The following CRLF2 variants were observed in gnomAD, a reference collection of about 807,000 sequenced individuals.
CRLF2 encodes the protein cytokine receptor-like factor 2.
A neutral mutation model predicts 38.7 loss-of-function variants in CRLF2; 41 were observed. The ratio of observed to expected loss-of-function variants is 1.06; its 90% CI spans 0.83 to 1.37. CRLF2 has a LOEUF of 1.37. Among genes scored for constraint, CRLF2 ranks in the 40% most tolerant of loss-of-function variants. The pLI, the probability that CRLF2 is intolerant of heterozygous loss-of-function variation, is 0.00. For missense variants in CRLF2, 377 were observed against 322.2 expected, an observed-to-expected ratio of 1.17 and a Z score of -1.30; for synonymous variants, 140 against 128.8, an observed-to-expected ratio of 1.09 and a Z score of -0.59.
intron 7 of CRLF2, among the ~76,000 whole-genome samples, chrX:1,192,765 T>TTTCTTTCTTTCCTTCCTTCC (rs1378137188): frequency 1.2e-4 from 14 of 116,008 alleles, no homozygotes; most frequent in Non-Finnish European, 1.4e-4. Flanking sequence ...TCTTTCTTTC[T>TTTCTTTCTTTCCTTCCTTCC]TTCCTTCCTT....
intron 6 of CRLF2, among the ~76,000 whole-genome samples, chrX:1,195,994 T>A (rs1215064004): frequency 1.9e-3 from 221 of 118,462 alleles, no homozygotes; most frequent in Admixed American, 2.9e-3. Context: ...TTTTATATAT[T>A]TATATATATA....
In CRLF2 at chrX:1,196,424, G is replaced by C. The variant is rs762357902; in HGVS notation, c.767+356C>G. ...GATGGTCTCGATCTCTTGACCTTAT[G>C]ATTCACCTGCCTTGGCATCACAAAA... On this transcript the variant is annotated intron_variant, in intron 6 of 7. Coordinates refer to ENST00000400841, the MANE Select transcript of CRLF2 (RefSeq NM_022148.4). Among the ~76,000 whole-genome samples, 9 of 152,078 alleles carry C rather than the reference G, an allele frequency of 5.9e-5. No individual in the cohort carries two copies. In the South Asian group the frequency reaches 1.7e-3, roughly 28 times the overall value.
At chrX:1,192,707 CTTTTCTTTCTTTCTTTCTTT>C (rs2086409010) in intron 7 of CRLF2, among the ~76,000 whole-genome samples, 2 of 90,608 alleles carry the variant, frequency 2.2e-5, no homozygotes, top group African/African-American at 8.1e-5. Flanking sequence ...CTTTTCTTTT[CTTTTCTTTCTTTCTTTCTTT>C]CTTTCTTTCT....
intron 1 of CRLF2, among the ~76,000 whole-genome samples, chrX:1,210,111 A>AG (rs1556425588): frequency 2.8e-5 from 3 of 107,872 alleles, no homozygotes; most frequent in Non-Finnish European, 5.5e-5. Flanking sequence ...ATCAAAAAAA[A>AG]AAAAGAAAAG....
In CRLF2 at chrX:1,197,617, C is replaced by T. The variant is rs754184083; in HGVS notation, c.647-717G>A. Among the ~76,000 whole-genome samples the T allele has an allele frequency of 5.3e-5, 8 of 151,678 alleles. No homozygotes were observed. In the East Asian group the frequency reaches 1.6e-3, roughly 30 times the overall value. ...GATCACAAGGTCAGGAGTTCGAGACCAGCCTGGCCAATATGGGGAAACGCC... is the reference window on the plus strand; with the variant it reads ...GATCACAAGGTCAGGAGTTCGAGACTAGCCTGGCCAATATGGGGAAACGCC... On this transcript the variant is annotated intron_variant, in intron 5 of 7. Coordinates refer to ENST00000400841, the MANE Select transcript of CRLF2 (RefSeq NM_022148.4).
chrX:1,204,729 G>T (rs1265649413), intron 3 of CRLF2, among the ~76,000 whole-genome samples: 1 of 150,988 alleles, frequency 6.6e-6, no homozygotes, highest in Non-Finnish European at 1.5e-5. Flanking sequence ...GTTTCACCAC[G>T]TTGGCAAGGC....
At chrX:1,197,498 C>T (rs1421004591) in intron 5 of CRLF2, among the ~76,000 whole-genome samples, 5 of 151,922 alleles carry the variant, frequency 3.3e-5, no homozygotes, top group Admixed American at 2.0e-4. Flanking sequence ...GGTGGCTGTG[C>T]TCCTTAAATC....
chrX:1,205,441 A>C (rs1192109805), intron 3 of CRLF2, among the ~76,000 whole-genome samples: 1 of 151,948 alleles, frequency 6.6e-6, no homozygotes, highest in Non-Finnish European at 1.5e-5. Context: ...TACTTATGAT[A>C]ATCAGCTGAA....
chrX:1,193,345 CG>C lies in CRLF2; in HGVS notation c.768-44del, dbSNP rs1392573468. ...AGCGTGGTCAGGTCGGCCACAGCCC[CG>C]CAGGAAGGGTTGGCAAGAAGCACCT... is the stretch of plus-strand genomic sequence containing the variant. On this transcript the variant is annotated intron_variant, in intron 6 of 7. Transcript: ENST00000400841. The C allele has an allele frequency of 6.5e-5, 26 of 398,532 alleles. No homozygotes were observed. In the South Asian group the frequency reaches 1.8e-3, roughly 27 times the overall value. 24.7% of individuals were successfully genotyped at this position (398,532 alleles called of 1,614,324 possible). A position where few individuals can be genotyped will look rare whatever the true frequency, so the allele number is the denominator to read the frequency against.
chrX:1,203,517 G>C (rs1189776212), intron 3 of CRLF2, among the ~76,000 whole-genome samples: 1 of 151,900 alleles, frequency 6.6e-6, no homozygotes, highest in Non-Finnish European at 1.5e-5. Context: ...CTTGAGGTGA[G>C]ATCATCCTGG....
chrX:1,190,759 G>A lies in CRLF2; in HGVS notation c.*138C>T. The A allele has an allele frequency of 5.0e-6, 2 of 398,296 alleles. No homozygotes were observed. Among genetic ancestry groups the A allele is most frequent in the Non-Finnish European group, 8.8e-6 (2 of 226,172 alleles). The allele number at this position is 398,296 out of a possible 1,614,324, so 24.7% of individuals were successfully genotyped here. ...TGGCCGCATTAGGCGGTGAGGCTGG[G>A]TCTTCAGAGTCTCCTAGTCCTACCA... On this transcript the variant is annotated 3_prime_UTR_variant, in exon 8 of 8. Coordinates refer to ENST00000400841, the MANE Select transcript of CRLF2 (RefSeq NM_022148.4).
chrX:1,192,025 G>GA lies in CRLF2; in HGVS notation c.853-866dup, dbSNP rs2086390332. 2.8e-5 allele frequency among the ~76,000 whole-genome samples: 4 copies of GA among 144,288 alleles called. No homozygotes were observed. The South Asian group carries it at 7.5e-4, about 27-fold the overall frequency. 94.7% of individuals were successfully genotyped at this position (144,288 alleles called of 152,430 possible). ...TCGAGACCATCCCGACTAACATGGT[G>GA]AAACCCCATCTCTACGAAAAATACA... On this transcript the variant is annotated intron_variant, in intron 7 of 7. Transcript: ENST00000400841.
intron 2 of CRLF2, among the ~76,000 whole-genome samples, chrX:1,207,456 C>T (rs1333837079): frequency 6.7e-6 from 1 of 149,118 alleles, no homozygotes; most frequent in Non-Finnish European, 1.5e-5. Flanking sequence ...CGAGGTTTCA[C>T]CATGTTGGCC....
intron 2 of CRLF2, among the ~76,000 whole-genome samples, chrX:1,207,835 A>C (rs1490618066): frequency 6.6e-6 from 1 of 151,058 alleles, no homozygotes; most frequent in Non-Finnish European, 1.5e-5. Flanking sequence ...TTTTTAGTAG[A>C]GTTGGGGTTT....
At chrX:1,199,989 G>GTA (rs781506673) in intron 4 of CRLF2, among the ~76,000 whole-genome samples, 2 of 151,328 alleles carry the variant, frequency 1.3e-5, no homozygotes, top group South Asian at 4.2e-4. Context: ...ATATACGTGT[G>GTA]TATATATATG....
At chrX:1,197,333 T>C (rs1159041328) in intron 5 of CRLF2, among the ~76,000 whole-genome samples, 34 of 151,726 alleles carry the variant, frequency 2.2e-4, no homozygotes, top group African/African-American at 7.5e-4. Context: ...TTTTCATTCC[T>C]ATGGAAAATA....
intron 7 of CRLF2, among the ~76,000 whole-genome samples, chrX:1,191,777 C>T (rs1435596694): frequency 5.9e-5 from 9 of 151,840 alleles, no homozygotes; most frequent in East Asian, 2.0e-4. Flanking sequence ...GTGATCCACC[C>T]GACTCGACCT....
chrX:1,199,019 G>T (rs754133563), intron 4 of CRLF2: 11 of 444,986 alleles, frequency 2.5e-5, no homozygotes, highest in South Asian at 2.1e-4. Flanking sequence ...CGTGGTGGCG[G>T]GTGCCTGTAA....
intron 7 of CRLF2, 77 bp downstream of exon 7, chrX:1,193,141 C>T (rs1299379408): frequency 2.3e-5 from 9 of 397,702 alleles, no homozygotes; most frequent in African/African-American, 1.6e-4. Flanking sequence ...AAAGGTCGCG[C>T]TCAGAGAGAT....
Sources: gnomAD v4.1 joint callset for allele counts (sites outside exome capture counted in the v4.1 genomes callset) on GRCh38, gnomAD v4.1.1 for gene constraint, MANE v1.5 for transcripts, NCBI Gene and HGNC (gene_info 2026-07-23, HGNC 2026-07-21) for gene names.